The following AOAH variants were observed in gnomAD, a reference collection of about 807,000 sequenced individuals.
AOAH encodes the protein acyloxyacyl hydrolase (neutrophil).
A neutral mutation model predicts 92.2 loss-of-function variants in AOAH; 64 were observed. The observed-to-expected ratio is 0.69, with a 90% CI of 0.57 to 0.86. The LOEUF (loss-of-function observed/expected upper bound fraction) is 0.86. AOAH is among the 40% of genes least tolerant of loss of function. The pLI is 0.00. For synonymous variants in AOAH, 263 were observed against 254.5 expected, an observed-to-expected ratio of 1.03 and a Z score of -0.32; for missense variants, 656 against 694.6, an observed-to-expected ratio of 0.94 and a Z score of 0.62.
intron 14 of AOAH, 30 bp from the exon 15 acceptor site, chr7:36,548,716 C>A: frequency 1.3e-6 from 2 of 1,595,468 alleles, no homozygotes; most frequent in South Asian, 2.2e-5. Flanking sequence ...ATCTGAATGT[C>A]AGATACTTGG....
chr7:36,681,066 G>A (rs58086600), intron 2 of AOAH, among the ~76,000 whole-genome samples: 147 of 152,216 alleles, frequency 9.7e-4, no homozygotes, highest in African/African-American at 3.2e-3. Context: ...ACCTTCGGAC[G>A]ACGCAACTTT....
At chr7:36,595,498 G>T (rs1363103631) in intron 11 of AOAH, among the ~76,000 whole-genome samples, 1 of 152,126 alleles carries the variant, frequency 6.6e-6, no homozygotes, top group East Asian at 1.9e-4. Flanking sequence ...ACACCCCACT[G>T]TACTCCATCC....
At chr7:36,678,433 G>A (rs1665893276) in intron 2 of AOAH, among the ~76,000 whole-genome samples, 1 of 152,226 alleles carries the variant, frequency 6.6e-6, no homozygotes, top group Non-Finnish European at 1.5e-5. Context: ...TGCTAATGCA[G>A]AACTGGCTTA....
At chr7:36,572,846 G>A (rs1186142866) in intron 13 of AOAH, among the ~76,000 whole-genome samples, 1 of 152,240 alleles carries the variant, frequency 6.6e-6, no homozygotes, top group Non-Finnish European at 1.5e-5. Context: ...TGCAAAAGAT[G>A]AGAAGGTAGC....
chr7:36,558,634 C>T (rs575280017), intron 13 of AOAH, among the ~76,000 whole-genome samples: 126 of 152,390 alleles, frequency 8.3e-4, no homozygotes, highest in East Asian at 1.9e-4. Flanking sequence ...CCACCCAGTT[C>T]GAGCTTCCCA....
chr7:36,554,265 C>G (rs933117312), intron 13 of AOAH, among the ~76,000 whole-genome samples: 7 of 152,252 alleles, frequency 4.6e-5, no homozygotes, highest in East Asian at 1.9e-4. Context: ...GCTTGTTTTT[C>G]TCAGGTTTGT....
chr7:36,540,198 A>G (rs761825664), intron 16 of AOAH, 121 bp downstream of exon 16: 5 of 984,144 alleles, frequency 5.1e-6, no homozygotes, highest in Non-Finnish European at 7.3e-6. Flanking sequence ...GCCTTTATCA[A>G]CCCTGACCCA....
chr7:36,639,917 C>T (rs574467150), intron 4 of AOAH, among the ~76,000 whole-genome samples: 2 of 152,252 alleles, frequency 1.3e-5, no homozygotes, highest in African/African-American at 4.8e-5. Flanking sequence ...TTGAGAGAAC[C>T]AATCTCATTT....
intron 1 of AOAH, among the ~76,000 whole-genome samples, chr7:36,691,427 C>T (rs529514080): frequency 9.9e-5 from 15 of 152,284 alleles, no homozygotes; most frequent in Admixed American, 3.9e-4. Flanking sequence ...CACACAACGC[C>T]GGTGTGAATC....
chr7:36,661,085 C>A (rs1036885319), intron 3 of AOAH: 90 of 152,306 alleles, frequency 5.9e-4, no homozygotes, highest in African/African-American at 2.1e-3. Flanking sequence ...CTAGAAGAGA[C>A]TTTCTTTGGG....
At chr7:36,528,828 C>T (rs1266445055) in intron 19 of AOAH, among the ~76,000 whole-genome samples, 1 of 152,150 alleles carries the variant, frequency 6.6e-6, no homozygotes, top group African/African-American at 2.4e-5. Flanking sequence ...TCTTGACCTC[C>T]TGGACTTGAG....
chr7:36,692,800 C>T (rs972408343), intron 1 of AOAH, among the ~76,000 whole-genome samples: 4 of 152,056 alleles, frequency 2.6e-5, no homozygotes, highest in African/African-American at 7.2e-5. Context: ...ACAGGTGGGG[C>T]AAACTGATAT....
At chr7:36,681,559 C>T (rs766699672) in intron 2 of AOAH, among the ~76,000 whole-genome samples, 1 of 152,116 alleles carries the variant, frequency 6.6e-6, no homozygotes, top group Non-Finnish European at 1.5e-5. Flanking sequence ...AATCCCAGCA[C>T]TTTGGGAGGC....
intron 19 of AOAH, among the ~76,000 whole-genome samples, chr7:36,523,648 T>TTTTC: frequency 6.7e-6 from 1 of 148,968 alleles, no homozygotes; most frequent in African/African-American, 2.5e-5. Context: ...TTTTTTTTTT[T>TTTTC]TGGCATGTCC....
intron 13 of AOAH, among the ~76,000 whole-genome samples, chr7:36,564,372 C>A (rs912355593): frequency 1.3e-5 from 2 of 152,136 alleles, no homozygotes; most frequent in Admixed American, 1.3e-4. Flanking sequence ...TGATGATCTC[C>A]TTGAAGGTGG....
At chr7:36,529,231 T>TAA (rs61477972) in intron 19 of AOAH, among the ~76,000 whole-genome samples, 1 of 145,248 alleles carries the variant, frequency 6.9e-6, no homozygotes, top group African/African-American at 2.5e-5. Context: ...CTCTGGAAAG[T>TAA]AAAAAAAAAA....
intron 12 of AOAH, among the ~76,000 whole-genome samples, chr7:36,580,608 T>G (rs915796156): frequency 1.3e-5 from 2 of 152,248 alleles, no homozygotes; most frequent in African/African-American, 4.8e-5. Flanking sequence ...TTCTGTATTT[T>G]CTTTCATGTT....
rs771664376 is a variant in AOAH at position 36,724,006 on chromosome 7, A to G, written c.127+16T>C. 7.0e-5 allele frequency: 112 copies of G among 1,610,134 alleles called. No homozygotes were observed. The highest frequency in any genetic ancestry group is 8.9e-5 in the Non-Finnish European group (105 of 1,178,224). ...TTATGTCTACATAGAAAATACAAAA[A>G]TATTTATTTGCATACCTACACAGGT... On this transcript the variant is annotated intron_variant, in intron 1 of 20. Transcript: ENST00000617537.
intron 1 of AOAH, among the ~76,000 whole-genome samples, chr7:36,710,996 A>C (rs4236348): frequency 0.62 from 93,452 of 151,950 alleles, 29,065 homozygotes; most frequent in East Asian, 0.84. Flanking sequence ...ATGCCCCCAA[A>C]GTCACATTTG....
Sources: gnomAD v4.1 joint callset for allele counts (sites outside exome capture counted in the v4.1 genomes callset) on GRCh38, gnomAD v4.1.1 for gene constraint, MANE v1.5 for transcripts, NCBI Gene and HGNC (gene_info 2026-07-23, HGNC 2026-07-21) for gene names.